SH3BP4: variants seen among roughly 807,000 people sequenced by gnomAD.
SH3BP4 encodes SH3 domain-binding protein 4.
Under a neutral mutation model 65.5 loss-of-function variants are expected in SH3BP4, and 33 were observed. The observed-to-expected ratio is 0.50, with a 90% CI of 0.38 to 0.67. The LOEUF (loss-of-function observed/expected upper bound fraction) is 0.67, where lower values mean the gene tolerates loss of function less well. Ranked by LOEUF, SH3BP4 falls within the 30% of genes least tolerant of loss-of-function variation. The pLI, the probability that SH3BP4 is intolerant of heterozygous loss-of-function variation, is 0.00. For missense variants in SH3BP4, 1,134 were observed against 1,261.4 expected (o/e 0.90, Z 1.53); for synonymous variants, 552 against 545.5 (o/e 1.01, Z -0.17).
chr2:234,998,126 A>AAAAAAAT (rs373806712), intron 2 of SH3BP4, among the ~76,000 whole-genome samples: 1 of 152,054 alleles, frequency 6.6e-6, no homozygotes, highest in Non-Finnish European at 1.5e-5. Flanking sequence ...CCATCTCCAA[A>AAAAAAAT]AAAAAATAAA....
At chr2:235,005,064 G>C (rs1381420593) in intron 2 of SH3BP4, among the ~76,000 whole-genome samples, 1 of 152,204 alleles carries the variant, frequency 6.6e-6, no homozygotes, top group East Asian at 1.9e-4. Flanking sequence ...TCCGCCTGCA[G>C]ATCCCCCTGG....
chr2:234,964,208 C>A (rs1271456000), intron 1 of SH3BP4, among the ~76,000 whole-genome samples: 2 of 152,160 alleles, frequency 1.3e-5, no homozygotes, highest in Non-Finnish European at 2.9e-5. Context: ...TGCTTAGAAG[C>A]AGGAAACTGT....
At chr2:234,996,714 A>C (rs1318148137) in intron 2 of SH3BP4, among the ~76,000 whole-genome samples, 1 of 152,222 alleles carries the variant, frequency 6.6e-6, no homozygotes, top group Non-Finnish European at 1.5e-5. Flanking sequence ...TTCTAAAATC[A>C]AAGGCGAGCA....
At chr2:234,992,353 C>T (rs1048686677) in intron 1 of SH3BP4, among the ~76,000 whole-genome samples, 2 of 152,172 alleles carry the variant, frequency 1.3e-5, no homozygotes, top group African/African-American at 4.8e-5. Flanking sequence ...GAGGGCGGCT[C>T]TCCAGGCAGC....
At chr2:234,995,833 C>T (rs1315886428) in intron 2 of SH3BP4, 1 of 152,302 alleles carries the variant, frequency 6.6e-6, no homozygotes, top group Non-Finnish European at 1.5e-5. Flanking sequence ...CTCACGTCGC[C>T]CTGCGACGAG....
intron 2 of SH3BP4, among the ~76,000 whole-genome samples, chr2:235,014,474 A>G (rs1184317646): frequency 6.6e-6 from 1 of 152,130 alleles, no homozygotes; most frequent in Non-Finnish European, 1.5e-5. Context: ...GCCTTTAGGG[A>G]AATGTTTGTT....
At position 235,041,545 on chromosome 2, in the gene SH3BP4, C is replaced by G; in HGVS notation, c.776C>G (p.Ala259Gly). The G allele has an allele frequency of 5.0e-6, 8 of 1,614,158 alleles. No homozygotes were observed. The highest frequency in any genetic ancestry group is 6.8e-6 in the Non-Finnish European group (8 of 1,180,042). ...ELSVLQAKSD[A>G]PTSSSFFTGL... ...TCCGTCCTCCAAGCCAAGTCCGATG[C>G]TCCCACATCGTCGAGTTTCTTCACC... The change falls in exon 4 of 6, where the codon GCT becomes GGT. Residue 259 changes from alanine (A) to glycine (G), a missense_variant. Physicochemically the swap from Ala to Gly is moderately conservative, Grantham distance 60 (BLOSUM62 0). Transcript: ENST00000392011. The surrounding 1 kb of genome is among the most constrained non-coding windows in gnomAD (Gnocchi z 6.0).
At chr2:234,956,306 A>C (rs764185748) in intron 1 of SH3BP4, among the ~76,000 whole-genome samples, 10 of 152,196 alleles carry the variant, frequency 6.6e-5, no homozygotes, top group Non-Finnish European at 1.0e-4. Context: ...CACTAGAATG[A>C]GATTAAGATT....
Position 235,017,687 on chromosome 2 carries a change from G to T in SH3BP4, c.-132-17184G>T, listed in dbSNP as rs78210412. On this transcript the variant is annotated intron_variant, in intron 2 of 5. Coordinates refer to ENST00000392011, the MANE Select transcript of SH3BP4 (RefSeq NM_014521.3). ...TGCTTATCTCTCCTGCCCTCCAGGGGCCCAGTGTCATTCACTGGGTGCCGT... is the reference window on the plus strand; with the variant it reads ...TGCTTATCTCTCCTGCCCTCCAGGGTCCCAGTGTCATTCACTGGGTGCCGT... Among the ~76,000 whole-genome samples the T allele has an allele frequency of 4.1e-3, 626 of 152,240 alleles. 3 individuals are homozygous for T. The highest frequency in any genetic ancestry group is 0.015 in the African/African-American group (607 of 41,540).
intron 2 of SH3BP4, among the ~76,000 whole-genome samples, chr2:235,006,231 C>A (rs551149712): frequency 6.6e-6 from 1 of 152,180 alleles, no homozygotes; most frequent in Non-Finnish European, 1.5e-5. Context: ...TTTGTCTTTG[C>A]GGGCTTTGTT....
At chr2:234,984,591 G>C (rs1274415481) in intron 1 of SH3BP4, among the ~76,000 whole-genome samples, 1 of 152,064 alleles carries the variant, frequency 6.6e-6, no homozygotes, top group Non-Finnish European at 1.5e-5. Flanking sequence ...GAAAATATTT[G>C]CTTGGCTTTC....
chr2:235,042,485 G>C lies in SH3BP4; in HGVS notation c.1716G>C (p.Leu572=), dbSNP rs746199295. 1 of 1,614,176 alleles carries C rather than the reference G, an allele frequency of 6.2e-7. No homozygotes were observed. The highest frequency in any genetic ancestry group is 1.1e-5 in the South Asian group (1 of 91,082). Residue 572 remains leucine (L), a synonymous_variant, in exon 4 of 6, where the codon CTG becomes CTC. Coordinates refer to ENST00000392011, the MANE Select transcript of SH3BP4 (RefSeq NM_014521.3). This position sits in a 1 kb window ranked among gnomAD's most constrained non-coding sequence, Gnocchi z 7.3. ...FQLKLGKVSR[L]IFPITSQNPN... ...TGAAGCTGGGCAAGGTGAGCCGCCT[G>C]ATCTTCCCCATCACCTCCCAGAACC...
At chr2:235,038,005 G>A (rs563964449) in intron 3 of SH3BP4, among the ~76,000 whole-genome samples, 2 of 151,474 alleles carry the variant, frequency 1.3e-5, no homozygotes, top group African/African-American at 2.4e-5. Flanking sequence ...TGTCGTTTAC[G>A]CATGCACGAT....
At chr2:234,996,368 C>T (rs1693920180) in intron 2 of SH3BP4, among the ~76,000 whole-genome samples, 2 of 152,160 alleles carry the variant, frequency 1.3e-5, no homozygotes, top group African/African-American at 4.8e-5. Flanking sequence ...TTCAACTTCT[C>T]CCCCCACCCT....
rs1695508473 is a variant in SH3BP4 at position 235,038,374 on chromosome 2, TACATA to T, written c.119-2513_119-2509del. On this transcript the variant is annotated intron_variant, in intron 3 of 5. Coordinates refer to ENST00000392011, the MANE Select transcript of SH3BP4 (RefSeq NM_014521.3). ...TTTATATATATATATATAATATATA[TACATA>T]TATATATATATATATATATATATAT... Among the ~76,000 whole-genome samples the T allele has an allele frequency of 4.9e-5, 2 of 40,784 alleles. 1 individual carries two copies. The highest frequency in any genetic ancestry group is 2.7e-4 in the African/African-American group (2 of 7,406). 26.8% of individuals were successfully genotyped at this position (40,784 alleles called of 152,430 possible). A position where few individuals can be genotyped will look rare whatever the true frequency, so the allele number is the denominator to read the frequency against.
chr2:235,010,880 C>A (rs1407833744), intron 2 of SH3BP4, among the ~76,000 whole-genome samples: 1 of 138,986 alleles, frequency 7.2e-6, no homozygotes, highest in Admixed American at 6.9e-5. Context: ...CTTCCTCCCT[C>A]TTCTAGAACC....
intron 2 of SH3BP4, among the ~76,000 whole-genome samples, chr2:235,031,991 G>A (rs1407564055): frequency 6.6e-6 from 1 of 152,232 alleles, no homozygotes; most frequent in East Asian, 1.9e-4. Context: ...ATTCCTCCTG[G>A]CATGAATGTG....
intron 1 of SH3BP4, among the ~76,000 whole-genome samples, chr2:234,973,062 A>G (rs1693044816): frequency 1.3e-5 from 2 of 152,234 alleles, no homozygotes; most frequent in Non-Finnish European, 2.9e-5. Context: ...TGTGTATCAT[A>G]GAAGATGTAG....
In SH3BP4 at chr2:234,952,358, C is replaced by G. The variant is rs1692490513; in HGVS notation, c.-207+188C>G. Among the ~76,000 whole-genome samples, 2 of 150,746 alleles carry G rather than the reference C, an allele frequency of 1.3e-5. No homozygotes were observed. Among genetic ancestry groups the G allele is most frequent in the Admixed American group, 1.3e-4 (2 of 15,168 alleles). ...GGGCGTGGGGCGGCTTCGGGGAAGC[C>G]TCGCGCGCCCCTCGCCGCTCCCCCG... On this transcript the variant is annotated intron_variant, in intron 1 of 5. Transcript: ENST00000392011. This position sits in a 1 kb window ranked among gnomAD's most constrained non-coding sequence, Gnocchi z 6.5.
Sources: allele counts gnomAD v4.1 joint callset (sites outside exome capture counted in the v4.1 genomes callset), GRCh38; gene constraint gnomAD v4.1.1; non-coding constraint Gnocchi (gnomAD v3.1); transcripts MANE v1.5; gene names NCBI Gene and HGNC (gene_info 2026-07-23, HGNC 2026-07-21).